MPHOSPH9: variants seen among roughly 807,000 people sequenced by gnomAD.
MPHOSPH9 encodes the protein M-phase phosphoprotein 9.
Under a neutral mutation model 145.5 loss-of-function variants are expected in MPHOSPH9, and 88 were observed. The observed-to-expected ratio is 0.60, with a 90% CI of 0.51 to 0.72. The LOEUF is 0.72. MPHOSPH9 is among the 30% of genes least tolerant of loss of function. The pLI, the probability that MPHOSPH9 is intolerant of heterozygous loss-of-function variation, is 0.00. For missense variants in MPHOSPH9, 1,238 were observed against 1,386.6 expected (o/e 0.89, Z 1.70); for synonymous variants, 435 against 486.2 (o/e 0.89, Z 1.39).
rs143644962 is a variant in MPHOSPH9, at chr12:123,176,595, G to A, written c.2456+93C>T. 4.6e-4 allele frequency: 424 copies of A among 920,804 alleles called. No homozygotes were observed. The African/African-American group carries it at 5.7e-3, about 12-fold the overall frequency. 57.0% of individuals were successfully genotyped at this position (920,804 alleles called of 1,614,324 possible). A position where few individuals can be genotyped will look rare whatever the true frequency, so the allele number is the denominator to read the frequency against. ...TAAGTTCTGTAATGACATTTAACCC[G>A]GACTTTCTTATGATTTAGACAGATG... is the stretch of plus-strand genomic sequence containing the variant. On this transcript the variant is annotated intron_variant, in intron 16 of 23. Coordinates refer to ENST00000606320, the MANE Select transcript of MPHOSPH9 (RefSeq NM_022782.4).
At chr12:123,208,188 C>CAA (rs35626958) in intron 8 of MPHOSPH9, among the ~76,000 whole-genome samples, 8 of 85,144 alleles carry the variant, frequency 9.4e-5, no homozygotes, top group African/African-American at 2.2e-4. Context: ...GACTCCGTCT[C>CAA]AAAAAAAAAA....
At chr12:123,204,470 A>G (rs2138377446) in intron 8 of MPHOSPH9, among the ~76,000 whole-genome samples, 1 of 152,336 alleles carries the variant, frequency 6.6e-6, no homozygotes, top group African/African-American at 2.4e-5. Context: ...AAACAAAACT[A>G]GGTGTCACAA....
In MPHOSPH9 at chr12:123,196,515, TA is replaced by T. The variant is rs1214531940; in HGVS notation, c.2025+1731del. On this transcript the variant is annotated intron_variant, in intron 12 of 23. Transcript: ENST00000606320. Reference sequence around the variant, plus strand: ...CAGACTTTGAGAAACTTTTGACCCTTAAAAAGATTGCCTTATACCAAAAGAT... The same window carrying T: ...CAGACTTTGAGAAACTTTTGACCCTTAAAAGATTGCCTTATACCAAAAGAT... 2.0e-5 allele frequency among the ~76,000 whole-genome samples: 3 copies of T among 152,046 alleles called. No homozygotes were observed. In the East Asian group the frequency reaches 5.8e-4, roughly 29 times the overall value.
At chr12:123,229,473 T>A (rs927099874) in intron 2 of MPHOSPH9, among the ~76,000 whole-genome samples, 2 of 152,244 alleles carry the variant, frequency 1.3e-5, no homozygotes, top group African/African-American at 4.8e-5. Flanking sequence ...AAACACACTT[T>A]GATAACATCT....
At chr12:123,207,685 C>T (rs968105059) in intron 8 of MPHOSPH9, among the ~76,000 whole-genome samples, 1 of 151,900 alleles carries the variant, frequency 6.6e-6, no homozygotes, top group African/African-American at 2.4e-5. Flanking sequence ...GAAACCCTGT[C>T]TCTACACAAA....
Position 123,156,924 on chromosome 12 carries a change from G to T in MPHOSPH9, c.3451-16C>A. 6.3e-7 allele frequency: 1 copy of T among 1,580,956 alleles called. No homozygotes were observed. The highest frequency in any genetic ancestry group is 8.7e-7 in the Non-Finnish European group (1 of 1,154,950). On this transcript the variant is annotated splice_polypyrimidine_tract_variant and intron_variant, in intron 23 of 23. Transcript: ENST00000606320. ...CCAAGGCTTCCTAGGTGAAAACAAT[G>T]GGAAAAGTTTAATTAGAATTCTATA...
intron 11 of MPHOSPH9, among the ~76,000 whole-genome samples, chr12:123,201,398 G>C (rs533378358): frequency 3.3e-5 from 5 of 151,952 alleles, no homozygotes; most frequent in Non-Finnish European, 7.4e-5. Flanking sequence ...TATTTATTTA[G>C]AGACAGGGTG....
At chr12:123,169,034 A>G (rs138298170) in intron 16 of MPHOSPH9, among the ~76,000 whole-genome samples, 1,902 of 150,860 alleles carry the variant, frequency 0.013, 32 homozygotes, top group African/African-American at 0.041. Context: ...ACAGGCGCCC[A>G]CCACCACGCC....
At chr12:123,176,305 T>G (rs1029339596) in intron 16 of MPHOSPH9, among the ~76,000 whole-genome samples, 2 of 152,176 alleles carry the variant, frequency 1.3e-5, no homozygotes, top group African/African-American at 4.8e-5. Context: ...TCCATCTTCA[T>G]AGTTCCTTCC....
intron 16 of MPHOSPH9, among the ~76,000 whole-genome samples, chr12:123,168,328 G>A (rs1174097800): frequency 6.6e-6 from 1 of 150,762 alleles, no homozygotes; most frequent in East Asian, 2.0e-4. Flanking sequence ...TGACCGCCTG[G>A]CAACATGACT....
At chr12:123,176,057 A>G (rs992841897) in intron 16 of MPHOSPH9, among the ~76,000 whole-genome samples, 14 of 152,076 alleles carry the variant, frequency 9.2e-5, no homozygotes, top group African/African-American at 3.4e-4. Flanking sequence ...TCATTTGACA[A>G]TTACAACTTG....
At chr12:123,177,224 A>G (rs1441230252) in intron 15 of MPHOSPH9, among the ~76,000 whole-genome samples, 2 of 151,804 alleles carry the variant, frequency 1.3e-5, no homozygotes, top group Non-Finnish European at 2.9e-5. Context: ...TCATAGTAAA[A>G]CATCACCATT....
rs1461635066 is a variant in MPHOSPH9, at chr12:123,154,220, T to G, written c.*2587A>C. 5.3e-5 allele frequency: 8 copies of G among 151,600 alleles called. No homozygotes were observed. The South Asian group carries it at 6.2e-4, about 12-fold the overall frequency. 9.4% of individuals were successfully genotyped at this position (151,600 alleles called of 1,614,324 possible). A position where few individuals can be genotyped will look rare whatever the true frequency, so the allele number is the denominator to read the frequency against. ...GGTGGCAGATTTGCTTAGGGTTTTT[T>G]TTTTTTTTTTCTTTTTAAACTATTA... is the stretch of plus-strand genomic sequence containing the variant. On this transcript the variant is annotated 3_prime_UTR_variant, in exon 24 of 24. Transcript: ENST00000606320.
chr12:123,180,911 T>G (rs760184784), intron 14 of MPHOSPH9, among the ~76,000 whole-genome samples: 1 of 152,218 alleles, frequency 6.6e-6, no homozygotes, highest in Non-Finnish European at 1.5e-5. Context: ...TATACTCTTT[T>G]GAACAATTTC....
intron 13 of MPHOSPH9, among the ~76,000 whole-genome samples, chr12:123,191,344 G>C (rs1420351419): frequency 6.6e-6 from 1 of 151,808 alleles, no homozygotes; most frequent in Non-Finnish European, 1.5e-5. Flanking sequence ...AAAAGAAAAA[G>C]AAACAATGAC....
intron 15 of MPHOSPH9, among the ~76,000 whole-genome samples, chr12:123,178,064 TGAG>T (rs982858799): frequency 6.6e-6 from 1 of 152,196 alleles, no homozygotes; most frequent in Non-Finnish European, 1.5e-5. Context: ...CTTTAAGAGA[TGAG>T]GTCTCGCTCG....
At chr12:123,168,933 G>A (rs1049945499) in intron 16 of MPHOSPH9, among the ~76,000 whole-genome samples, 12 of 150,834 alleles carry the variant, frequency 8.0e-5, no homozygotes, top group African/African-American at 2.9e-4. Context: ...CGCCCAGGCT[G>A]GAGTGCAGTG....
In MPHOSPH9 at chr12:123,203,241, C is replaced by T. The variant is rs748871838; in HGVS notation, c.1320+9G>A. Reference sequence around the variant, plus strand: ...TCACGTTCACTCGGCAGAATGTGGACAACTTTACCTCTGGTGGATGATTTG... The same window carrying T: ...TCACGTTCACTCGGCAGAATGTGGATAACTTTACCTCTGGTGGATGATTTG... On this transcript the variant is annotated intron_variant, in intron 9 of 23. Transcript: ENST00000606320. 1 of 1,611,118 alleles carries T rather than the reference C, an allele frequency of 6.2e-7. No individual in the cohort carries two copies. Among genetic ancestry groups the T allele is most frequent in the African/African-American group, 1.3e-5 (1 of 74,760 alleles).
chr12:123,194,557 T>C lies in MPHOSPH9; in HGVS notation c.2070A>G (p.Lys690=). Residue 690 remains lysine (K), a synonymous_variant, in exon 13 of 24, where the codon AAA becomes AAG. Transcript: ENST00000606320. ...TTTCTTCAATTCGTTCCTGCAAAAT[T>C]TTGGAAGCACTGCTGGCTGCACTGA... ...ERFSAASSAS[K]ILQERIEEMR... is the part of the protein sequence containing the mutation. 6.2e-7 allele frequency: 1 copy of C among 1,612,914 alleles called. No individual in the cohort carries two copies. Among genetic ancestry groups the C allele is most frequent in the Non-Finnish European group, 8.5e-7 (1 of 1,179,886 alleles).
Sources: gnomAD v4.1 joint callset for allele counts (sites outside exome capture counted in the v4.1 genomes callset) on GRCh38, gnomAD v4.1.1 for gene constraint, MANE v1.5 for transcripts, NCBI Gene and HGNC (gene_info 2026-07-23, HGNC 2026-07-21) for gene names.